The following POU2F1 variants were observed in gnomAD, a reference collection of about 807,000 sequenced individuals.
POU2F1 encodes the protein POU class 2 homeobox 1.
POU2F1 carries 16 observed loss-of-function variants against 84.9 expected under a neutral mutation model. The ratio of observed to expected loss-of-function variants is 0.19; its 90% CI spans 0.13 to 0.29. The LOEUF is 0.29. Ranked by LOEUF, POU2F1 falls within the 10% of genes least tolerant of loss-of-function variation. POU2F1 has a pLI of 1.00. For missense variants in POU2F1, 738 were observed against 942.6 expected, an observed-to-expected ratio of 0.78 and a Z score of 2.84; for synonymous variants, 368 against 368.3, an observed-to-expected ratio of 1.00 and a Z score of 0.01.
At position 167,415,940 on chromosome 1, in the gene POU2F1, A is replaced by T; in HGVS notation, c.*130A>T. 13 of 573,694 alleles carry T rather than the reference A, an allele frequency of 2.3e-5. No homozygotes were observed. Among genetic ancestry groups the T allele is most frequent in the Non-Finnish European group, 2.9e-5 (10 of 344,142 alleles). 35.5% of individuals were successfully genotyped at this position (573,694 alleles called of 1,614,324 possible). On this transcript the variant is annotated 3_prime_UTR_variant, in exon 16 of 16. Coordinates refer to ENST00000367866, the MANE Select transcript of POU2F1 (RefSeq NM_002697.4). ...GTTGTGAGGGCAAAGGAGAGAAGGGAGAAAAAAAAAAAAAAACCACACACA... is the reference window on the plus strand; with the variant it reads ...GTTGTGAGGGCAAAGGAGAGAAGGGTGAAAAAAAAAAAAAAACCACACACA...
At chr1:167,300,911 C>T (rs1342063087) in intron 1 of POU2F1, among the ~76,000 whole-genome samples, 1 of 152,154 alleles carries the variant, frequency 6.6e-6, no homozygotes, top group Non-Finnish European at 1.5e-5. Context: ...GCTGGGATTA[C>T]AGGCGCATGC....
At chr1:167,394,515 G>T (rs1175397664) in intron 9 of POU2F1, among the ~76,000 whole-genome samples, 1 of 152,164 alleles carries the variant, frequency 6.6e-6, no homozygotes, top group Non-Finnish European at 1.5e-5. Flanking sequence ...ATTCAGAACT[G>T]TCATTAAAAC....
chr1:167,307,197 A>G (rs1055968159), intron 1 of POU2F1, among the ~76,000 whole-genome samples: 14 of 152,300 alleles, frequency 9.2e-5, no homozygotes, highest in African/African-American at 3.4e-4. Flanking sequence ...TGATGACACC[A>G]ACTGTGTAAA....
chr1:167,344,911 A>G (rs1474767751), intron 2 of POU2F1, among the ~76,000 whole-genome samples: 1 of 152,210 alleles, frequency 6.6e-6, no homozygotes, highest in Non-Finnish European at 1.5e-5. Flanking sequence ...TGTCCTTTGC[A>G]GGGACATTGA....
intron 9 of POU2F1, 111 bp downstream of exon 9, chr1:167,389,872 T>G (rs1648268974): frequency 7.9e-7 from 1 of 1,265,736 alleles, no homozygotes; most frequent in Non-Finnish European, 1.1e-6. Context: ...CCAAAATATT[T>G]GGGACGGGGG....
At chr1:167,236,111 C>CT (rs915033151) in intron 1 of POU2F1, among the ~76,000 whole-genome samples, 39 of 146,138 alleles carry the variant, frequency 2.7e-4, no homozygotes, top group South Asian at 6.4e-4. Flanking sequence ...ATTTGGACAT[C>CT]TTTTTTTTTT....
In POU2F1 at chr1:167,420,205, C is replaced by CTAG. The variant is rs1650561783; in HGVS notation, c.*4396_*4398dup. ...TTTTTTTCTGGTCTTGCTCTGTTGC[C>CTAG]TAGGCTAGAGTGCAACGGCATGATC... On this transcript the variant is annotated 3_prime_UTR_variant, in exon 16 of 16. Coordinates refer to ENST00000367866, the MANE Select transcript of POU2F1 (RefSeq NM_002697.4). 1 of 142,404 alleles carries CTAG rather than the reference C, an allele frequency of 7.0e-6. No individual in the cohort carries two copies. The highest frequency in any genetic ancestry group is 2.2e-4 in the South Asian group (1 of 4,562). The allele number at this position is 142,404 out of a possible 1,614,324, so 8.8% of individuals were successfully genotyped here.
intron 2 of POU2F1, among the ~76,000 whole-genome samples, chr1:167,341,096 A>C (rs1657819170): frequency 6.6e-6 from 1 of 152,194 alleles, no homozygotes; most frequent in Non-Finnish European, 1.5e-5. Context: ...TAATTCCTTC[A>C]AAAGATTTCC....
At chr1:167,231,830 T>G (rs998898472) in intron 1 of POU2F1, among the ~76,000 whole-genome samples, 1 of 152,162 alleles carries the variant, frequency 6.6e-6, no homozygotes, top group African/African-American at 2.4e-5. Flanking sequence ...TACAATGAGA[T>G]GTGAAAGATG....
Position 167,290,942 on chromosome 1 carries a change from A to T in POU2F1, c.62-41528A>T, listed in dbSNP as rs58742483. ...GTGCCTATAATCCCAGCTACTGGGG[A>T]GGCTAAGGCAGGAGGATTGCTTGAA... On this transcript the variant is annotated intron_variant, in intron 1 of 15. Coordinates refer to ENST00000367866, the MANE Select transcript of POU2F1 (RefSeq NM_002697.4). Among the ~76,000 whole-genome samples the T allele has an allele frequency of 5.3e-3, 795 of 151,124 alleles. 9 individuals are homozygous for T. Among genetic ancestry groups the T allele is most frequent in the African/African-American group, 0.018 (731 of 41,278 alleles).
At chr1:167,266,629 T>TC (rs1258630452) in intron 1 of POU2F1, among the ~76,000 whole-genome samples, 5 of 149,970 alleles carry the variant, frequency 3.3e-5, no homozygotes, top group Non-Finnish European at 7.4e-5. Flanking sequence ...TTAATTTTTT[T>TC]TTTTTTTTTT....
rs1653430644 is a variant in POU2F1 at position 167,285,184 on chromosome 1, A to G, written c.62-47286A>G. On this transcript the variant is annotated intron_variant, in intron 1 of 15. Coordinates refer to ENST00000367866, the MANE Select transcript of POU2F1 (RefSeq NM_002697.4). ...TCATCTGTAAAATAATGACTGCTTT[A>G]TAGAGTTTTGTTAGGATTAAAAGGG... Among the ~76,000 whole-genome samples the G allele has an allele frequency of 2.6e-5, 4 of 152,320 alleles. No individual in the cohort carries two copies. In the South Asian group the frequency reaches 8.3e-4, roughly 32 times the overall value.
intron 8 of POU2F1, among the ~76,000 whole-genome samples, chr1:167,386,355 C>T (rs990967850): frequency 6.6e-6 from 1 of 152,088 alleles, no homozygotes; most frequent in African/African-American, 2.4e-5. Flanking sequence ...TCACCATGCC[C>T]AGCTATTTTT....
chr1:167,374,748 G>A (rs1043047982), intron 6 of POU2F1, among the ~76,000 whole-genome samples: 2 of 152,160 alleles, frequency 1.3e-5, no homozygotes, highest in South Asian at 4.1e-4. Context: ...ACATTTTAGG[G>A]CAAAGTATCT....
intron 13 of POU2F1, among the ~76,000 whole-genome samples, chr1:167,407,012 T>A (rs970021987): frequency 2.7e-5 from 4 of 147,494 alleles, no homozygotes; most frequent in South Asian, 2.2e-4. Flanking sequence ...AAATATATAT[T>A]TTTTTATTTT....
chr1:167,336,274 G>A (rs1050433488), intron 2 of POU2F1, among the ~76,000 whole-genome samples: 1 of 152,122 alleles, frequency 6.6e-6, no homozygotes, highest in African/African-American at 2.4e-5. Flanking sequence ...TAATAATTTT[G>A]TAACCACCTC....
intron 3 of POU2F1, among the ~76,000 whole-genome samples, 177 bp from the exon 4 acceptor site, chr1:167,369,984 G>A (rs1326944903): frequency 6.6e-6 from 1 of 152,092 alleles, no homozygotes; most frequent in African/African-American, 2.4e-5. Context: ...GTTGGGGTGG[G>A]GTAGGGTGGG....
At chr1:167,395,143 C>G (rs1557955354) in intron 9 of POU2F1, among the ~76,000 whole-genome samples, 2 of 152,152 alleles carry the variant, frequency 1.3e-5, no homozygotes, top group Non-Finnish European at 2.9e-5. Context: ...CTATCTTACG[C>G]TTTTTTCCCA....
chr1:167,368,066 G>A (rs542087461), intron 3 of POU2F1, among the ~76,000 whole-genome samples: 116 of 152,106 alleles, frequency 7.6e-4, no homozygotes, highest in Non-Finnish European at 1.3e-3. Context: ...ACATTGATAC[G>A]ATATCATTTT....
Sources: allele counts gnomAD v4.1 joint callset (sites outside exome capture counted in the v4.1 genomes callset), GRCh38; gene constraint gnomAD v4.1.1; transcripts MANE v1.5; gene names NCBI Gene and HGNC (gene_info 2026-07-23, HGNC 2026-07-21).